PDE4D: variants seen among roughly 807,000 people sequenced by gnomAD.
PDE4D encodes 3',5'-cyclic-AMP phosphodiesterase 4D.
In PDE4D, 24 loss-of-function variants were observed where a neutral mutation model predicts 87.4. The observed-to-expected ratio is 0.27, with a 90% CI of 0.20 to 0.39. The LOEUF (loss-of-function observed/expected upper bound fraction) is 0.39, where lower values mean the gene tolerates loss of function less well. Ranked by LOEUF, PDE4D falls within the 10% of genes least tolerant of loss-of-function variation. The pLI, the probability that PDE4D is intolerant of heterozygous loss-of-function variation, is 1.00. For synonymous variants in PDE4D, 384 were observed against 383.2 expected (o/e 1.00, Z -0.02); for missense variants, 714 against 1,041.0 (o/e 0.69, Z 4.32).
intron 2 of PDE4D, among the ~76,000 whole-genome samples, chr5:60,103,220 G>C (rs2149335769): frequency 6.6e-6 from 1 of 152,314 alleles, no homozygotes; most frequent in South Asian, 2.1e-4. Context: ...GCCTAAGTAA[G>C]AGCCTTGGAG....
chr5:60,272,208 C>A (rs1750884574), intron 1 of PDE4D, among the ~76,000 whole-genome samples: 1 of 152,218 alleles, frequency 6.6e-6, no homozygotes, highest in African/African-American at 2.4e-5. Flanking sequence ...AAGAGGATGA[C>A]CCCATACAAC....
At chr5:59,807,209 C>T (rs1767837560) in intron 1 of PDE4D, among the ~76,000 whole-genome samples, 2 of 151,430 alleles carry the variant, frequency 1.3e-5, no homozygotes, top group Non-Finnish European at 2.9e-5. Flanking sequence ...AGGTCCTGCC[C>T]TGGGAGCCTT....
chr5:60,185,548 G>C (rs1784712427), intron 2 of PDE4D: 1 of 1,521,016 alleles, frequency 6.6e-7, no homozygotes, highest in Non-Finnish European at 8.8e-7. Flanking sequence ...GAAAACAAAA[G>C]TTACTTACAC....
chr5:59,903,447 C>T (rs1417680997), intron 3 of PDE4D, among the ~76,000 whole-genome samples: 2 of 151,970 alleles, frequency 1.3e-5, no homozygotes, highest in Non-Finnish European at 2.9e-5. Flanking sequence ...AGGCACTCGT[C>T]TAATGTTTAG....
chr5:59,991,293 AT>A (rs543939644), intron 2 of PDE4D, among the ~76,000 whole-genome samples: 2 of 151,966 alleles, frequency 1.3e-5, no homozygotes, highest in Admixed American at 1.3e-4. Flanking sequence ...TAATGTCTTG[AT>A]TTTTTGTCTG....
intron 3 of PDE4D, among the ~76,000 whole-genome samples, chr5:59,951,550 A>G (rs1758297439): frequency 6.6e-6 from 1 of 152,204 alleles, no homozygotes; most frequent in Non-Finnish European, 1.5e-5. Flanking sequence ...CATGATGTCT[A>G]ATTTCTGATT....
intron 3 of PDE4D, chr5:59,986,352 C>T (rs910440111): frequency 1.3e-5 from 2 of 152,248 alleles, no homozygotes; most frequent in African/African-American, 4.8e-5. Flanking sequence ...CTGCGCCCAG[C>T]TCAAGATTTT....
chr5:59,954,098 G>A (rs1758580096), intron 3 of PDE4D, among the ~76,000 whole-genome samples: 1 of 90,196 alleles, frequency 1.1e-5, no homozygotes, highest in African/African-American at 4.3e-5. Flanking sequence ...GCTAATTTTT[G>A]TATTTTAGGA....
At chr5:60,027,405 T>C (rs867500867) in intron 2 of PDE4D, among the ~76,000 whole-genome samples, 1 of 152,256 alleles carries the variant, frequency 6.6e-6, no homozygotes, top group Non-Finnish European at 1.5e-5. Context: ...GACATGACTT[T>C]GTTCTTTTTT....
At chr5:59,643,116 A>C (rs1385153241) in intron 1 of PDE4D, among the ~76,000 whole-genome samples, 1 of 152,190 alleles carries the variant, frequency 6.6e-6, no homozygotes, top group Non-Finnish European at 1.5e-5. Context: ...GGCAACAGTT[A>C]GCTTAGCATG....
intron 1 of PDE4D, among the ~76,000 whole-genome samples, chr5:59,617,105 C>A (rs1195087355): frequency 6.6e-6 from 1 of 151,422 alleles, no homozygotes. Context: ...AAAAATATAT[C>A]CTCCAACATG....
intron 1 of PDE4D, among the ~76,000 whole-genome samples, chr5:59,656,917 T>C (rs1378982553): frequency 1.3e-5 from 2 of 152,170 alleles, no homozygotes; most frequent in Non-Finnish European, 2.9e-5. Context: ...AAGAAGTCTT[T>C]AACTTTTTTT....
intron 3 of PDE4D, among the ~76,000 whole-genome samples, chr5:59,969,762 C>T (rs979839387): frequency 3.9e-5 from 6 of 152,158 alleles, no homozygotes; most frequent in African/African-American, 1.4e-4. Flanking sequence ...CTGCAGTTCT[C>T]CTTGCTGCCA....
intron 1 of PDE4D, among the ~76,000 whole-genome samples, chr5:59,682,660 C>T (rs1749223467): frequency 6.6e-6 from 1 of 152,062 alleles, no homozygotes. Flanking sequence ...TCCTTTCTGC[C>T]ATGTAAAAAC....
intron 1 of PDE4D, chr5:59,430,421 T>A: frequency 3.2e-6 from 4 of 1,231,174 alleles, no homozygotes; most frequent in Non-Finnish European, 4.1e-6. Context: ...AAACTCATTA[T>A]ATCCAAAAGG....
At chr5:59,841,632 A>G (rs1743004108) in intron 1 of PDE4D, among the ~76,000 whole-genome samples, 1 of 152,046 alleles carries the variant, frequency 6.6e-6, no homozygotes, top group Non-Finnish European at 1.5e-5. Flanking sequence ...ACTAGTGAAG[A>G]CATGATTACA....
At chr5:60,184,319 A>G (rs1358781132) in intron 2 of PDE4D, among the ~76,000 whole-genome samples, 3 of 152,076 alleles carry the variant, frequency 2.0e-5, no homozygotes, top group African/African-American at 7.2e-5. Flanking sequence ...TTGCTTTCAT[A>G]TTTAATTTAT....
In PDE4D at chr5:59,940,365, C is replaced by T. The variant is rs1300335727; in HGVS notation, c.272+48123G>A. 2.0e-5 allele frequency among the ~76,000 whole-genome samples: 3 copies of T among 151,994 alleles called. No homozygotes were observed. The East Asian group carries it at 5.8e-4, about 29-fold the overall frequency. Reference sequence around the variant, plus strand: ...TTGGATACCAGTTAGGAGGGTGCTCCTAATTTGGGCACCAGATAGGAGACT... The same window carrying T: ...TTGGATACCAGTTAGGAGGGTGCTCTTAATTTGGGCACCAGATAGGAGACT... On this transcript the variant is annotated intron_variant, in intron 3 of 16. Transcript: ENST00000502484.
At chr5:59,501,482 T>A (rs1808274700) in intron 1 of PDE4D, among the ~76,000 whole-genome samples, 1 of 152,082 alleles carries the variant, frequency 6.6e-6, no homozygotes. Flanking sequence ...GCGACAGACA[T>A]GTATCAGCAT....
Sources: gnomAD v4.1 joint callset for allele counts (sites outside exome capture counted in the v4.1 genomes callset) on GRCh38, gnomAD v4.1.1 for gene constraint, MANE v1.5 for transcripts, NCBI Gene and HGNC (gene_info 2026-07-23, HGNC 2026-07-21) for gene names.